Variants in AKAP1 observed in about 807,000 individuals in gnomAD.
The protein encoded by AKAP1 is A-kinase anchor protein 1, mitochondrial.
AKAP1 carries 32 observed loss-of-function variants against 79.8 expected under a neutral mutation model. The observed-to-expected ratio is 0.40, with a 90% CI of 0.30 to 0.54. The LOEUF is 0.54. AKAP1 is among the 20% of genes least tolerant of loss of function. The probability of loss-of-function intolerance (pLI) is 0.47; values close to 1 mark genes in which losing one functional copy is unlikely to be tolerated. For synonymous variants in AKAP1, 416 were observed against 466.7 expected (o/e 0.89, Z 1.40); for missense variants, 961 against 1,138.9 (o/e 0.84, Z 2.25).
intron 1 of AKAP1, among the ~76,000 whole-genome samples, chr17:57,098,793 A>C (rs1914287329): frequency 1.5e-5 from 2 of 132,488 alleles, no homozygotes; most frequent in African/African-American, 2.9e-5. Flanking sequence ...ACGGAGTCTC[A>C]CTCTGTTGCC....
intron 1 of AKAP1, among the ~76,000 whole-genome samples, chr17:57,098,848 G>A (rs1174036676): frequency 6.8e-6 from 1 of 147,896 alleles, no homozygotes; most frequent in Non-Finnish European, 1.5e-5. Flanking sequence ...TGCAAGCTCC[G>A]CCTCCCAGGT....
intron 4 of AKAP1, among the ~76,000 whole-genome samples, chr17:57,112,140 G>A (rs1597985993): frequency 6.6e-6 from 1 of 152,140 alleles, no homozygotes; most frequent in Non-Finnish European, 1.5e-5. Flanking sequence ...GCCAGGAGAA[G>A]TGTGGGTGCT....
In AKAP1 at chr17:57,106,916, T is replaced by A. The variant is rs1914921074; in HGVS notation, c.1452T>A (p.Asp484Glu). The stretch of plus-strand genomic sequence containing the variant: ...ACCGGGCAGGCATCCTGGTGGAAGA[T>A]GCCACCTGTGTCACCTGCATGTCAG... ...LPDRAGILVE[D>E]ATCVTCMSDS... The change falls in exon 2 of 11, where the codon GAT becomes GAA. Residue 484 changes from aspartate (D) to glutamate (E), a missense_variant. Physicochemically the swap from Asp to Glu is conservative, Grantham distance 45 (BLOSUM62 2). Around this residue, in one of 3 missense-constraint regions of AKAP1, gnomAD observed 629 missense variants for 781.1 expected, o/e 0.81. Coordinates refer to ENST00000337714, the MANE Select transcript of AKAP1 (RefSeq NM_003488.4). 1 of 1,613,868 alleles carries A rather than the reference T, an allele frequency of 6.2e-7. No homozygotes were observed. The highest frequency in any genetic ancestry group is 8.5e-7 in the Non-Finnish European group (1 of 1,179,844).
In AKAP1 at chr17:57,107,102, G is replaced by A. The variant is rs779062999; in HGVS notation, c.1638G>A (p.Gly546=). ...LPESTVPFSN[G]VLKGELSDLG... ...AAAGTACTGTGCCCTTCAGCAATGG[G>A]GTGCTGAAGGGGGAGTTGTCAGACT... The change falls in exon 2 of 11, where the codon GGG becomes GGA. Residue 546 remains glycine (G), a synonymous_variant. Coordinates refer to ENST00000337714, the MANE Select transcript of AKAP1 (RefSeq NM_003488.4). The A allele has an allele frequency of 2.5e-6, 4 of 1,614,178 alleles. No individual in the cohort carries two copies. The East Asian group carries it at 6.7e-5, about 27-fold the overall frequency.
rs1400652033 is a variant in AKAP1 at position 57,121,229 on chromosome 17, A to AG, written c.*905_*906insG. 2 of 152,210 alleles carry AG rather than the reference A, an allele frequency of 1.3e-5. No homozygotes were observed. The highest frequency in any genetic ancestry group is 4.8e-5 in the African/African-American group (2 of 41,434). The allele number at this position is 152,210 out of a possible 1,614,324, so 9.4% of individuals were successfully genotyped here. On this transcript the variant is annotated 3_prime_UTR_variant, in exon 11 of 11. Coordinates refer to ENST00000337714, the MANE Select transcript of AKAP1 (RefSeq NM_003488.4). The stretch of plus-strand genomic sequence containing the variant: ...GTACAAATCTGTTTAAAAAAAAAAA[A>AG]AAGTAACTCATTGAATTAACTTGCA...
At chr17:57,089,065 C>T (rs551248698) in intron 1 of AKAP1, among the ~76,000 whole-genome samples, 1 of 152,336 alleles carries the variant, frequency 6.6e-6, no homozygotes, top group Non-Finnish European at 1.5e-5. Context: ...CTGCAGCTCT[C>T]AGAGCTGAAA....
intron 6 of AKAP1, among the ~76,000 whole-genome samples, chr17:57,114,950 A>G (rs550210191): frequency 1.5e-4 from 22 of 147,254 alleles, no homozygotes; most frequent in South Asian, 8.6e-4. Context: ...CCACCTATTT[A>G]TTATCTGTTA....
chr17:57,103,782 T>A (rs1914672272), intron 1 of AKAP1, among the ~76,000 whole-genome samples: 1 of 152,198 alleles, frequency 6.6e-6, no homozygotes, highest in African/African-American at 2.4e-5. Flanking sequence ...ATACCTTTAG[T>A]GAGTGTTAAC....
At chr17:57,109,886 A>C in intron 2 of AKAP1, 139 bp from the exon 3 acceptor site, 1 of 1,134,564 alleles carries the variant, frequency 8.8e-7, no homozygotes, top group South Asian at 1.5e-5. Flanking sequence ...CTAGACTGTA[A>C]GTTGACAGTC....
intron 1 of AKAP1, among the ~76,000 whole-genome samples, chr17:57,088,193 G>A (rs956541182): frequency 1.3e-5 from 2 of 152,026 alleles, no homozygotes; most frequent in Non-Finnish European, 2.9e-5. Flanking sequence ...GTTCCTTCCT[G>A]GTGTAATACC....
intron 1 of AKAP1, chr17:57,095,456 T>G (rs1026599245): frequency 1.3e-5 from 2 of 148,302 alleles, no homozygotes; most frequent in African/African-American, 2.5e-5. Flanking sequence ...CGTGGTGGCC[T>G]GTTTGGGCTT....
intron 1 of AKAP1, among the ~76,000 whole-genome samples, chr17:57,104,258 C>T (rs938910937): frequency 5.9e-5 from 9 of 152,170 alleles, no homozygotes; most frequent in Admixed American, 4.6e-4. Context: ...TGAGCCACTG[C>T]GCCCAGCCTC....
At chr17:57,108,941 T>TAGCCA (rs1346700442) in intron 2 of AKAP1, among the ~76,000 whole-genome samples, 1 of 152,216 alleles carries the variant, frequency 6.6e-6, no homozygotes, top group Non-Finnish European at 1.5e-5. Flanking sequence ...TCCCGCAGGC[T>TAGCCA]AGCCAAGCAG....
chr17:57,106,738 C>T lies in AKAP1; in HGVS notation c.1274C>T (p.Pro425Leu), dbSNP rs1261059365. 6.2e-7 allele frequency: 1 copy of T among 1,614,024 alleles called. No homozygotes were observed. The highest frequency in any genetic ancestry group is 1.3e-5 in the African/African-American group (1 of 75,056). The change falls in exon 2 of 11, where the codon CCA (proline) becomes CTA (leucine). Residue 425 changes from proline (P) to leucine (L), a missense_variant. Around this residue, in one of 3 missense-constraint regions of AKAP1, gnomAD observed 629 missense variants for 781.1 expected, o/e 0.81. Transcript: ENST00000337714. ...PDAGLPLPGL[P>L]AEGSPPPKTY... The stretch of plus-strand genomic sequence containing the variant: ...GCTGGCCTCCCCTTGCCAGGCCTAC[C>T]AGCAGAGGGCTCACCACCACCAAAG...
chr17:57,114,455 A>C lies in AKAP1; in HGVS notation c.2104-4A>C, dbSNP rs762173117. The stretch of plus-strand genomic sequence containing the variant: ...CAGTGACCGCTCCCCCTTCCCCTCT[A>C]CAGCTCATGCTGCCTGATGGCATCA... On this transcript the variant is annotated splice_polypyrimidine_tract_variant and splice_region_variant and intron_variant, in intron 5 of 10. Transcript: ENST00000337714. The C allele has an allele frequency of 2.5e-6, 4 of 1,613,632 alleles. No individual in the cohort carries two copies. The South Asian group carries it at 4.4e-5, about 18-fold the overall frequency.
chr17:57,106,137 G>A lies in AKAP1; in HGVS notation c.673G>A (p.Val225Ile). Residue 225 changes from valine to isoleucine, a missense_variant, in exon 2 of 11, where the codon GTC becomes ATC. Val to Ile is a conservative substitution (Grantham distance 29). This residue lies in a region of AKAP1 where 224 missense variants were observed against 210.2 expected (regional missense o/e 1.07). Coordinates refer to ENST00000337714, the MANE Select transcript of AKAP1 (RefSeq NM_003488.4). ...AGAAGCTCTGTTGTCTCGGGAGCAT[G>A]TCTTGGAATTGGAGAACAGCAAGGG... The part of the protein sequence containing the change: ...LEEALLSREH[V>I]LELENSKGPS... 6.2e-7 allele frequency: 1 copy of A among 1,609,460 alleles called. No homozygotes were observed. The highest frequency in any genetic ancestry group is 1.3e-5 in the African/African-American group (1 of 74,878).
intron 1 of AKAP1, among the ~76,000 whole-genome samples, chr17:57,104,004 T>G (rs1914684308): frequency 6.6e-6 from 1 of 152,068 alleles, no homozygotes; most frequent in African/African-American, 2.4e-5. Context: ...TCACTTTTCT[T>G]TTTTGAGATG....
In AKAP1 at chr17:57,119,830, C is replaced by A. The variant is rs991420894; in HGVS notation, c.2638-420C>A. 7.1e-5 allele frequency among the ~76,000 whole-genome samples: 5 copies of A among 70,316 alleles called. 1 individual carries two copies. The East Asian group carries it at 1.7e-3, about 24-fold the overall frequency. The allele number at this position is 70,316 out of a possible 152,430, so 46.1% of individuals were successfully genotyped here. ...AAGCCATGTCCCCCACCCTGTTACTCTTTTTTTTTTTTTTTTTTTTGAGAC... is the reference window on the plus strand; with the variant it reads ...AAGCCATGTCCCCCACCCTGTTACTATTTTTTTTTTTTTTTTTTTTGAGAC... On this transcript the variant is annotated intron_variant, in intron 10 of 10. Coordinates refer to ENST00000337714, the MANE Select transcript of AKAP1 (RefSeq NM_003488.4).
Position 57,112,598 on chromosome 17 carries a change from T to A in AKAP1, c.2083T>A (p.Ser695Thr). ...APPLPSLALP[S>T]LPMTSWLMLP... Reference sequence around the variant, plus strand: ...CCCATTGCCTTCACTGGCACTGCCTTCTCTGCCGATGACATCCTGGGTGAG... The same window carrying A: ...CCCATTGCCTTCACTGGCACTGCCTACTCTGCCGATGACATCCTGGGTGAG... The change falls in exon 5 of 11, where the codon TCT (serine) becomes ACT (threonine). Residue 695 changes from serine to threonine, a missense_variant. By Grantham distance (58) the Ser-to-Thr change is moderately conservative. This residue lies in a region of AKAP1 where 629 missense variants were observed against 781.1 expected (regional missense o/e 0.81). Coordinates refer to ENST00000337714, the MANE Select transcript of AKAP1 (RefSeq NM_003488.4). The A allele has an allele frequency of 6.2e-7, 1 of 1,613,826 alleles. No homozygotes were observed. Among genetic ancestry groups the A allele is most frequent in the South Asian group, 1.1e-5 (1 of 91,018 alleles).
Sources: gnomAD v4.1 joint callset for allele counts (sites outside exome capture counted in the v4.1 genomes callset) on GRCh38, gnomAD v4.1.1 for gene constraint, gnomAD v4.1.1 regional missense constraint, MANE v1.5 for transcripts, NCBI Gene and HGNC (gene_info 2026-07-23, HGNC 2026-07-21) for gene names.